Variants in ATXN1 observed in about 807,000 individuals in gnomAD.
ATXN1 encodes ataxin-1.
Under a neutral mutation model 56.4 loss-of-function variants are expected in ATXN1, and 8 were observed. The observed-to-expected ratio is 0.14, with a 90% CI of 0.08 to 0.26. The LOEUF is 0.26. ATXN1 is among the 10% of genes least tolerant of loss of function. The probability of loss-of-function intolerance (pLI) is 1.00; values close to 1 mark genes in which losing one functional copy is unlikely to be tolerated. For synonymous variants in ATXN1, 514 were observed against 494.6 expected, an observed-to-expected ratio of 1.04 and a Z score of -0.52; for missense variants, 987 against 1,106.5, an observed-to-expected ratio of 0.89 and a Z score of 1.53.
chr6:16,724,690 C>T lies in ATXN1; in HGVS notation c.-615+28543G>A, dbSNP rs57669062. Among the ~76,000 whole-genome samples the T allele has an allele frequency of 4.7e-3, 711 of 152,214 alleles. 8 individuals carry two copies. Among genetic ancestry groups the T allele is most frequent in the African/African-American group, 0.017 (687 of 41,522 alleles). ...ACTTGCTAAAGAACCTGAGGAATGA[C>T]GCCTTAATTTTTATTATAGGATATA... On this transcript the variant is annotated intron_variant, in intron 2 of 7. Transcript: ENST00000436367.
At chr6:16,386,460 C>A (rs1758242448) in intron 6 of ATXN1, among the ~76,000 whole-genome samples, 1 of 152,180 alleles carries the variant, frequency 6.6e-6, no homozygotes, top group Admixed American at 6.5e-5. Context: ...TAAACTTTTG[C>A]TTTCAGATCA....
chr6:16,382,802 A>G (rs2113508653), intron 6 of ATXN1, among the ~76,000 whole-genome samples: 1 of 151,692 alleles, frequency 6.6e-6, no homozygotes, highest in East Asian at 1.9e-4. Flanking sequence ...CATAAAAGAC[A>G]CTATCACTAA....
Position 16,328,183 on chromosome 6 carries a change from G to GT in ATXN1, c.127dup (p.Thr43AsnfsTer154), listed in dbSNP as rs1760894071. ...ACCAGGGTTGCCCGGGAGCCATGCT[G>GT]TGCCCTCCACCCGGTGGTTGTCGCT... On this transcript the variant is annotated frameshift_variant, in exon 7 of 8. Coordinates refer to ENST00000436367, the MANE Select transcript of ATXN1 (RefSeq NM_001128164.2). LOFTEE classifies it high-confidence loss of function. The surrounding 1 kb of genome is among the most constrained non-coding windows in gnomAD (Gnocchi z 6.2). 6.3e-7 allele frequency: 1 copy of GT among 1,597,534 alleles called. No individual in the cohort carries two copies. The highest frequency in any genetic ancestry group is 1.3e-5 in the African/African-American group (1 of 74,644).
chr6:16,537,041 C>A (rs367593436), intron 4 of ATXN1, among the ~76,000 whole-genome samples: 5 of 143,026 alleles, frequency 3.5e-5, no homozygotes, highest in Admixed American at 2.1e-4. Flanking sequence ...AATGTAAAAT[C>A]TTTTTTTTTT....
chr6:16,492,298 T>C (rs1430019997), intron 5 of ATXN1, among the ~76,000 whole-genome samples: 6 of 151,528 alleles, frequency 4.0e-5, no homozygotes, highest in South Asian at 2.1e-4. Context: ...CGGGGAGGGA[T>C]AGCATTAGGA....
chr6:16,398,655 T>C (rs1314206801), intron 6 of ATXN1, among the ~76,000 whole-genome samples: 1 of 152,188 alleles, frequency 6.6e-6, no homozygotes, highest in Non-Finnish European at 1.5e-5. Context: ...CCAGGAGTTA[T>C]ACAGCAAAAA....
chr6:16,611,404 T>C (rs1270943024), intron 3 of ATXN1, among the ~76,000 whole-genome samples: 1 of 151,976 alleles, frequency 6.6e-6, no homozygotes, highest in Non-Finnish European at 1.5e-5. Context: ...ATGAGGGAAA[T>C]ATCAAGGAAT....
At chr6:16,319,883 A>C (rs970912422) in intron 7 of ATXN1, among the ~76,000 whole-genome samples, 5 of 151,970 alleles carry the variant, frequency 3.3e-5, no homozygotes, top group Non-Finnish European at 7.4e-5. Context: ...GAGAGGTACA[A>C]AGACCCACAA....
At chr6:16,601,887 G>A in intron 3 of ATXN1, among the ~76,000 whole-genome samples, 1 of 152,038 alleles carries the variant, frequency 6.6e-6, no homozygotes, top group East Asian at 1.9e-4. Context: ...CAACAATCCA[G>A]AGTAGAAATA....
chr6:16,660,568 A>G (rs1402600075), intron 2 of ATXN1, among the ~76,000 whole-genome samples: 1 of 152,200 alleles, frequency 6.6e-6, no homozygotes, highest in Non-Finnish European at 1.5e-5. Flanking sequence ...TTTTAAATAA[A>G]ATTAGTTCCT....
Position 16,305,683 on chromosome 6 carries a change from A to C in ATXN1, c.*646T>G, listed in dbSNP as rs1201763624. ...GCCCCATAGGGGGAAATATATATCT[A>C]TACAATTAAAAGTTGCTTTTATTGT... On this transcript the variant is annotated 3_prime_UTR_variant, in exon 8 of 8. Coordinates refer to ENST00000436367, the MANE Select transcript of ATXN1 (RefSeq NM_001128164.2). 2.0e-5 allele frequency: 3 copies of C among 152,906 alleles called. No homozygotes were observed. The East Asian group carries it at 5.8e-4, about 29-fold the overall frequency. The allele number at this position is 152,906 out of a possible 1,614,324, so 9.5% of individuals were successfully genotyped here.
intron 6 of ATXN1, among the ~76,000 whole-genome samples, chr6:16,403,256 C>T (rs1323985287): frequency 6.6e-6 from 1 of 152,206 alleles, no homozygotes; most frequent in Non-Finnish European, 1.5e-5. Flanking sequence ...GAATCACAAA[C>T]ACACGGGCAA....
At chr6:16,414,635 A>G (rs184701789) in intron 6 of ATXN1, among the ~76,000 whole-genome samples, 1 of 152,286 alleles carries the variant, frequency 6.6e-6, no homozygotes, top group Admixed American at 6.5e-5. Context: ...CACATGCAAA[A>G]CTGAACAACA....
At chr6:16,723,705 T>A (rs1759791581) in intron 2 of ATXN1, among the ~76,000 whole-genome samples, 1 of 152,126 alleles carries the variant, frequency 6.6e-6, no homozygotes, top group South Asian at 2.1e-4. Flanking sequence ...ATTTTTAAAA[T>A]TAATAACATA....
chr6:16,659,869 T>C (rs751157518), intron 2 of ATXN1, among the ~76,000 whole-genome samples: 1 of 152,218 alleles, frequency 6.6e-6, no homozygotes, highest in Non-Finnish European at 1.5e-5. Context: ...TGGTCCCATT[T>C]GTTACTTTAA....
At position 16,303,904 on chromosome 6, in the gene ATXN1, A is replaced by T. The variant is rs1760175999; in HGVS notation, c.*2425T>A. On this transcript the variant is annotated 3_prime_UTR_variant, in exon 8 of 8. Coordinates refer to ENST00000436367, the MANE Select transcript of ATXN1 (RefSeq NM_001128164.2). The surrounding 1 kb of genome is among the most constrained non-coding windows in gnomAD (Gnocchi z 4.3). ...AAGTGCCCTGAGCAGAATATATGGA[A>T]GATTAAGCAAGTTCTCTGAACAGAA... 6.6e-6 allele frequency: 1 copy of T among 152,666 alleles called. No homozygotes were observed. The highest frequency in any genetic ancestry group is 2.1e-4 in the South Asian group (1 of 4,834). The allele number at this position is 152,666 out of a possible 1,614,324, so 9.5% of individuals were successfully genotyped here. A position where few individuals can be genotyped will look rare whatever the true frequency, so the allele number is the denominator to read the frequency against.
chr6:16,346,720 GGCAGCCCTC>G (rs1234880934), intron 6 of ATXN1, among the ~76,000 whole-genome samples: 2 of 150,488 alleles, frequency 1.3e-5, no homozygotes, highest in African/African-American at 2.5e-5. Flanking sequence ...ACAGCATACT[GGCAGCCCTC>G]ACAGCCCTCA....
intron 6 of ATXN1, among the ~76,000 whole-genome samples, chr6:16,414,378 C>G (rs557217235): frequency 6.6e-6 from 1 of 152,278 alleles, no homozygotes; most frequent in South Asian, 2.1e-4. Flanking sequence ...ATGATTCTTG[C>G]AGTTACTAAG....
intron 5 of ATXN1, among the ~76,000 whole-genome samples, chr6:16,513,060 G>T (rs35922163): frequency 7.2e-4 from 109 of 152,338 alleles, no homozygotes; most frequent in Non-Finnish European, 1.3e-3. Context: ...CATTTCAAAA[G>T]TTCAGCCAAC....
Sources: gnomAD v4.1 joint callset for allele counts (sites outside exome capture counted in the v4.1 genomes callset) on GRCh38, gnomAD v4.1.1 for gene constraint, Gnocchi (gnomAD v3.1) non-coding constraint, MANE v1.5 for transcripts, NCBI Gene and HGNC (gene_info 2026-07-23, HGNC 2026-07-21) for gene names.